PPP2R2C: variants seen among roughly 807,000 people sequenced by gnomAD.
The protein encoded by PPP2R2C is protein phosphatase 2 regulatory subunit Bgamma.
Under a neutral mutation model 45.3 loss-of-function variants are expected in PPP2R2C, and 10 were observed. The observed-to-expected ratio is 0.22, with a 90% CI of 0.14 to 0.37. The LOEUF is 0.37. Ranked by LOEUF, PPP2R2C falls within the 10% of genes least tolerant of loss-of-function variation. The probability of loss-of-function intolerance (pLI) is 1.00; values close to 1 mark genes in which losing one functional copy is unlikely to be tolerated. For missense variants in PPP2R2C, 308 were observed against 619.7 expected, an observed-to-expected ratio of 0.50 and a Z score of 5.34; for synonymous variants, 257 against 245.4, an observed-to-expected ratio of 1.05 and a Z score of -0.44.
intron 2 of PPP2R2C, among the ~76,000 whole-genome samples, chr4:6,502,352 G>C (rs998850078): frequency 6.6e-6 from 1 of 152,162 alleles, no homozygotes; most frequent in Admixed American, 6.5e-5. Flanking sequence ...CCTCTGGTCT[G>C]TGATGTACGG....
chr4:6,519,964 G>C (rs1723961694), intron 2 of PPP2R2C, among the ~76,000 whole-genome samples: 1 of 152,134 alleles, frequency 6.6e-6, no homozygotes, highest in Non-Finnish European at 1.5e-5. Context: ...GAGCTGCTTT[G>C]CCCCTGCAAT....
intron 1 of PPP2R2C, among the ~76,000 whole-genome samples, chr4:6,418,488 C>T (rs951080022): frequency 6.6e-6 from 1 of 152,262 alleles, no homozygotes; most frequent in African/African-American, 2.4e-5. Flanking sequence ...AAACATCCTC[C>T]TCCTCTTCTC....
In PPP2R2C at chr4:6,444,207, C is replaced by T. The variant is rs575246775; in HGVS notation, c.70+27953G>A. ...CTAACATGGCTAGAGGCAGTGGCCC[C>T]GAAAATGGAAATCAGATGGATAAAT... On this transcript the variant is annotated intron_variant, in intron 1 of 8. Transcript: ENST00000382599. Among the ~76,000 whole-genome samples, 76 of 152,212 alleles carry T rather than the reference C, an allele frequency of 5.0e-4. 1 individual carries two copies. The South Asian group carries it at 0.014, about 27-fold the overall frequency.
intron 1 of PPP2R2C, among the ~76,000 whole-genome samples, chr4:6,397,434 C>T (rs533182011): frequency 3.9e-5 from 6 of 152,186 alleles, no homozygotes; most frequent in Admixed American, 2.0e-4. Context: ...GGGGGTCTCC[C>T]GGCCAAGGTG....
chr4:6,399,800 G>GA (rs1346257162), intron 1 of PPP2R2C, among the ~76,000 whole-genome samples: 1 of 152,212 alleles, frequency 6.6e-6, no homozygotes, highest in Non-Finnish European at 1.5e-5. Flanking sequence ...TCAGCAGCCT[G>GA]AAAATCAGTG....
chr4:6,355,457 A>G (rs1476208938), intron 5 of PPP2R2C, among the ~76,000 whole-genome samples: 1 of 151,740 alleles, frequency 6.6e-6, no homozygotes, highest in Non-Finnish European at 1.5e-5. Context: ...AGCATGGCAC[A>G]TGTATACATA....
intron 1 of PPP2R2C, among the ~76,000 whole-genome samples, chr4:6,443,858 G>C (rs1720283034): frequency 6.6e-6 from 1 of 151,770 alleles, no homozygotes; most frequent in African/African-American, 2.4e-5. Flanking sequence ...GGCTGTCTCA[G>C]CCCACACAGC....
At chr4:6,418,584 G>A (rs1168609939) in intron 1 of PPP2R2C, among the ~76,000 whole-genome samples, 1 of 152,218 alleles carries the variant, frequency 6.6e-6, no homozygotes, top group Non-Finnish European at 1.5e-5. Flanking sequence ...CCCTGGGCCT[G>A]GGCACCCTCA....
intron 2 of PPP2R2C, among the ~76,000 whole-genome samples, chr4:6,504,101 G>T (rs979650826): frequency 2.0e-5 from 3 of 152,214 alleles, no homozygotes; most frequent in African/African-American, 7.2e-5. Flanking sequence ...GTGGCCTTAA[G>T]AAGTAGCTGA....
chr4:6,400,437 G>C (rs138161340), intron 1 of PPP2R2C, among the ~76,000 whole-genome samples: 266 of 152,300 alleles, frequency 1.7e-3, no homozygotes, highest in African/African-American at 5.8e-3. Flanking sequence ...AACTGTCTGA[G>C]TTTTAATTTC....
intron 1 of PPP2R2C, among the ~76,000 whole-genome samples, chr4:6,386,311 C>G (rs1250445549): frequency 6.6e-6 from 1 of 152,122 alleles, no homozygotes; most frequent in Non-Finnish European, 1.5e-5. Flanking sequence ...GTCTCACTGG[C>G]TTGATAGAGC....
intron 1 of PPP2R2C, among the ~76,000 whole-genome samples, chr4:6,562,323 G>A (rs1291501533): frequency 3.9e-5 from 6 of 152,200 alleles, no homozygotes. Context: ...CCGTGACAGT[G>A]TGAGCACATG....
chr4:6,349,633 G>A (rs1712344901), intron 5 of PPP2R2C: 1 of 945,922 alleles, frequency 1.1e-6, no homozygotes, highest in Non-Finnish European at 1.3e-6. Context: ...GAGGTCAGGA[G>A]ATCGAGACCA....
chr4:6,452,870 G>A (rs1046808195), intron 1 of PPP2R2C, among the ~76,000 whole-genome samples: 1 of 152,232 alleles, frequency 6.6e-6, no homozygotes, highest in East Asian at 1.9e-4. Context: ...GTCCCACAGA[G>A]AATCTCGGCT....
rs940835952 is a variant in PPP2R2C, at chr4:6,330,181, G to A, written c.961-828C>T. Among the ~76,000 whole-genome samples the A allele has an allele frequency of 3.3e-5, 5 of 152,144 alleles. No individual in the cohort carries two copies. The highest frequency in any genetic ancestry group is 6.5e-5 in the Admixed American group (1 of 15,280). ...AGCCGGTCCTACAAGCCCTGTACCCGGAGGGCCGCATGAGTGCCAGCCCTC... is the reference window on the plus strand; with the variant it reads ...AGCCGGTCCTACAAGCCCTGTACCCAGAGGGCCGCATGAGTGCCAGCCCTC... On this transcript the variant is annotated intron_variant, in intron 7 of 8. Transcript: ENST00000382599. The surrounding 1 kb of genome is among the most constrained non-coding windows in gnomAD (Gnocchi z 7.0).
intron 1 of PPP2R2C, chr4:6,383,610 A>T: frequency 1.9e-6 from 1 of 515,724 alleles, no homozygotes; most frequent in Non-Finnish European, 3.1e-6. Flanking sequence ...CACAGCTTGG[A>T]TCACCTTGCT....
At chr4:6,356,667 C>T (rs1332086570) in intron 5 of PPP2R2C, among the ~76,000 whole-genome samples, 1 of 152,260 alleles carries the variant, frequency 6.6e-6, no homozygotes, top group South Asian at 2.1e-4. Context: ...CAGGACCAGG[C>T]TCAGAGTGGG....
intron 5 of PPP2R2C, among the ~76,000 whole-genome samples, chr4:6,354,001 G>A (rs1712895389): frequency 7.9e-6 from 1 of 127,094 alleles, no homozygotes; most frequent in African/African-American, 3.1e-5. Context: ...CCCAGCCCTG[G>A]GGCACCAAGC....
At chr4:6,431,545 G>A (rs1719624765) in intron 1 of PPP2R2C, among the ~76,000 whole-genome samples, 1 of 152,158 alleles carries the variant, frequency 6.6e-6, no homozygotes, top group Non-Finnish European at 1.5e-5. Context: ...GTCCCCAAGG[G>A]GCTAAGTCCA....
Sources: allele counts gnomAD v4.1 joint callset (sites outside exome capture counted in the v4.1 genomes callset), GRCh38; gene constraint gnomAD v4.1.1; non-coding constraint Gnocchi (gnomAD v3.1); transcripts MANE v1.5; gene names NCBI Gene and HGNC (gene_info 2026-07-23, HGNC 2026-07-21).